The following OR2G2 variants were observed in gnomAD, a reference collection of about 807,000 sequenced individuals.
The protein encoded by OR2G2 is olfactory receptor family 2 subfamily G member 2, also known as olfactory receptor 2G2.
For missense variants in OR2G2, 460 were observed against 389.7 expected (o/e 1.18, Z -1.52); for synonymous variants, 176 against 152.4 (o/e 1.16, Z -1.14).
chr1:247,588,567 T>TC lies in OR2G2; in HGVS notation c.210dup (p.Phe71LeufsTer44). ...GATGTATTTCTTCCTTTCTCATCTC[T>TC]CCTTCCTGTACCGCTGCTTCACCAG... On this transcript the variant is annotated frameshift_variant, in exon 1 of 1. Coordinates refer to ENST00000320065, the MANE Select transcript of OR2G2 (RefSeq NM_001001915.1). LOFTEE classifies it low-confidence loss of function (END_TRUNC). 2.5e-6 allele frequency: 4 copies of TC among 1,614,192 alleles called. No individual in the cohort carries two copies. Among genetic ancestry groups the TC allele is most frequent in the Non-Finnish European group, 3.4e-6 (4 of 1,180,028 alleles).
Position 247,588,646 on chromosome 1 carries a change from C to T in OR2G2, c.287C>T (p.Ala96Val). 2 of 1,614,178 alleles carry T rather than the reference C, an allele frequency of 1.2e-6. No individual in the cohort carries two copies. The highest frequency in any genetic ancestry group is 1.7e-6 in the Non-Finnish European group (2 of 1,180,040). The part of the protein sequence containing the change: ...VNLWEPMKTI[A>V]YGGCLVHLYN... The stretch of plus-strand genomic sequence containing the variant: ...CTGTGGGAACCCATGAAAACTATCG[C>T]CTATGGTGGCTGTTTGGTTCACCTT... Residue 96 changes from alanine (A) to valine (V), a missense_variant, in exon 1 of 1, where the codon GCC becomes GTC. Coordinates refer to ENST00000320065, the MANE Select transcript of OR2G2 (RefSeq NM_001001915.1).
rs1242479626 is a variant in OR2G2 at position 247,589,157 on chromosome 1, C to A, written c.798C>A (p.Ala266=). Residue 266 remains alanine, a synonymous_variant, in exon 1 of 1, where the codon GCC becomes GCA. Transcript: ENST00000320065. ...TCATCTTCATGTATCTGCAGCCAGC[C>A]AAGAGTAGATCCAGGGACCAGGGCA... is the stretch of plus-strand genomic sequence containing the variant. ...GTIIFMYLQP[A]KSRSRDQGKF... The A allele has an allele frequency of 1.2e-6, 2 of 1,614,148 alleles. No homozygotes were observed. The highest frequency in any genetic ancestry group is 2.2e-5 in the South Asian group (2 of 91,078).
rs201169353 is a variant in OR2G2 at position 247,588,377 on chromosome 1, T to A, written c.18T>A (p.His6Gln). The change falls in exon 1 of 1, where the codon CAT becomes CAA. Residue 6 changes from histidine (H) to glutamine (Q), a missense_variant. Coordinates refer to ENST00000320065, the MANE Select transcript of OR2G2 (RefSeq NM_001001915.1). The stretch of plus-strand genomic sequence containing the variant: ...CTTTACATATGGGGATGGTGAGACA[T>A]ACCAATGAGAGCAACCTAGCAGGTT... MGMVRHTNESNLAGFI... is the reference protein window; with the variant it reads MGMVRQTNESNLAGFI... 2.6e-5 allele frequency: 42 copies of A among 1,606,790 alleles called. No individual in the cohort carries two copies. Among genetic ancestry groups the A allele is most frequent in the African/African-American group, 4.0e-5 (3 of 74,616 alleles).
chr1:247,589,298 A>C lies in OR2G2; in HGVS notation c.939A>C (p.Gly313=), dbSNP rs1669092463. The part of the protein sequence containing the change: ...ALKKVLAKAL[G]VNIL The stretch of plus-strand genomic sequence containing the variant: ...AGAAAGTTCTAGCAAAGGCTCTGGG[A>C]GTAAATATTTTATGATTATTAAAAA... The change falls in exon 1 of 1, where the codon GGA becomes GGC. Residue 313 remains glycine (G), a synonymous_variant. Coordinates refer to ENST00000320065, the MANE Select transcript of OR2G2 (RefSeq NM_001001915.1). The C allele has an allele frequency of 1.3e-6, 2 of 1,541,302 alleles. No individual in the cohort carries two copies. Among genetic ancestry groups the C allele is most frequent in the Middle Eastern group, 1.7e-4 (1 of 5,746 alleles).
At position 247,588,386 on chromosome 1, in the gene OR2G2, G is replaced by A. The variant is rs372046433; in HGVS notation, c.27G>A (p.Glu9=). MGMVRHTN[E]SNLAGFILLG... is the part of the protein sequence containing the mutation. Reference sequence around the variant, plus strand: ...TGGGGATGGTGAGACATACCAATGAGAGCAACCTAGCAGGTTTCATCCTTT... The same window carrying A: ...TGGGGATGGTGAGACATACCAATGAAAGCAACCTAGCAGGTTTCATCCTTT... Residue 9 remains glutamate, a synonymous_variant, in exon 1 of 1, where the codon GAG becomes GAA. Coordinates refer to ENST00000320065, the MANE Select transcript of OR2G2 (RefSeq NM_001001915.1). 2 of 1,610,508 alleles carry A rather than the reference G, an allele frequency of 1.2e-6. No individual in the cohort carries two copies. Among genetic ancestry groups the A allele is most frequent in the African/African-American group, 1.3e-5 (1 of 74,858 alleles).
In OR2G2 at chr1:247,588,724, C is replaced by A; in HGVS notation, c.365C>A (p.Ser122Tyr). ...GAGTGCGTCCTCCCGGCTGTGATGTCCTGTGACCGCTATGTGGCTGTCTGC... is the reference window on the plus strand; with the variant it reads ...GAGTGCGTCCTCCCGGCTGTGATGTACTGTGACCGCTATGTGGCTGTCTGC... The part of the protein sequence containing the change: ...STECVLPAVM[S>Y]CDRYVAVCRP... Residue 122 changes from serine (S) to tyrosine (Y), a missense_variant, in exon 1 of 1, where the codon TCC (serine) becomes TAC (tyrosine). Transcript: ENST00000320065. 1 of 1,614,148 alleles carries A rather than the reference C, an allele frequency of 6.2e-7. No individual in the cohort carries two copies. Among genetic ancestry groups the A allele is most frequent in the Non-Finnish European group, 8.5e-7 (1 of 1,180,004 alleles).
rs780891464 is a variant in OR2G2, at chr1:247,589,106, A to G, written c.747A>G (p.Thr249=). Reference sequence around the variant, plus strand: ...TCGGGACCTGCTTCTCCCACCTGACAGTGGTCACCATCTTTTATGGAACCA... The same window carrying G: ...TCGGGACCTGCTTCTCCCACCTGACGGTGGTCACCATCTTTTATGGAACCA... The part of the protein sequence containing the change: ...KAFGTCFSHL[T]VVTIFYGTII... Residue 249 remains threonine, a synonymous_variant, in exon 1 of 1, where the codon ACA becomes ACG. Transcript: ENST00000320065. The G allele has an allele frequency of 6.2e-7, 1 of 1,614,112 alleles. No individual in the cohort carries two copies. The highest frequency in any genetic ancestry group is 8.5e-7 in the Non-Finnish European group (1 of 1,180,042).
Position 247,588,701 on chromosome 1 carries a change from G to A in OR2G2, c.342G>A (p.Glu114=). 3 of 1,614,120 alleles carry A rather than the reference G, an allele frequency of 1.9e-6. No homozygotes were observed. Among genetic ancestry groups the A allele is most frequent in the Non-Finnish European group, 2.5e-6 (3 of 1,180,002 alleles). ...ACTCCCATGCCCTGGGATCCACTGA[G>A]TGCGTCCTCCCGGCTGTGATGTCCT... ...LYNSHALGST[E]CVLPAVMSCD... The change falls in exon 1 of 1, where the codon GAG becomes GAA. Residue 114 remains glutamate, a synonymous_variant. Transcript: ENST00000320065.
Position 247,589,136 on chromosome 1 carries a change from C to T in OR2G2, c.777C>T (p.Ile259=), listed in dbSNP as rs769513033. The change falls in exon 1 of 1, where the codon ATC becomes ATT. Residue 259 remains isoleucine (I), a synonymous_variant. Coordinates refer to ENST00000320065, the MANE Select transcript of OR2G2 (RefSeq NM_001001915.1). Reference sequence around the variant, plus strand: ...TCACCATCTTTTATGGAACCATCATCTTCATGTATCTGCAGCCAGCCAAGA... The same window carrying T: ...TCACCATCTTTTATGGAACCATCATTTTCATGTATCTGCAGCCAGCCAAGA... ...TVVTIFYGTI[I]FMYLQPAKSR... The T allele has an allele frequency of 2.4e-5, 38 of 1,614,080 alleles. No individual in the cohort carries two copies. Among genetic ancestry groups the T allele is most frequent in the Non-Finnish European group, 3.0e-5 (35 of 1,180,026 alleles).
In OR2G2 at chr1:247,588,786, C is replaced by A; in HGVS notation, c.427C>A (p.Leu143Ile). The A allele has an allele frequency of 3.1e-6, 5 of 1,614,156 alleles. No homozygotes were observed. Among genetic ancestry groups the A allele is most frequent in the Non-Finnish European group, 4.2e-6 (5 of 1,180,026 alleles). Residue 143 changes from leucine (L) to isoleucine (I), a missense_variant, in exon 1 of 1, where the codon CTC becomes ATC. Leu to Ile is a conservative substitution (Grantham distance 5). Coordinates refer to ENST00000320065, the MANE Select transcript of OR2G2 (RefSeq NM_001001915.1). ...LHYTVLMHIH[L>I]CMALASMAWL... ...TTACACTGTCTTAATGCATATCCAT[C>A]TCTGCATGGCCTTGGCATCTATGGC...
chr1:247,588,522 G>C lies in OR2G2; in HGVS notation c.163G>C (p.Glu55Gln), dbSNP rs753573883. ...NTTIILVSRLEPKLHMPMYFF... is the reference protein window; with the variant it reads ...NTTIILVSRLQPKLHMPMYFF... ...CACCATCATTCTGGTTTCTCGTCTG[G>C]AACCCAAGCTTCATATGCCGATGTA... The change falls in exon 1 of 1, where the codon GAA becomes CAA. Residue 55 changes from glutamate to glutamine, a missense_variant. By Grantham distance (29) the Glu-to-Gln change is conservative. Transcript: ENST00000320065. The C allele has an allele frequency of 6.2e-7, 1 of 1,613,986 alleles. No individual in the cohort carries two copies. Among genetic ancestry groups the C allele is most frequent in the Non-Finnish European group, 8.5e-7 (1 of 1,180,030 alleles).
Position 247,588,482 on chromosome 1 carries a change from T to G in OR2G2, c.123T>G (p.Thr41=). Residue 41 remains threonine, a synonymous_variant, in exon 1 of 1, where the codon ACT becomes ACG. Transcript: ENST00000320065. ...TCATATTGATTCTGTATTTACTAAC[T>G]ATTTTGGGGAATACCACCATCATTC... ...FVLILILYLL[T]ILGNTTIILV... is the part of the protein sequence containing the mutation. 6.2e-7 allele frequency: 1 copy of G among 1,613,966 alleles called. No homozygotes were observed. Among genetic ancestry groups the G allele is most frequent in the Non-Finnish European group, 8.5e-7 (1 of 1,179,776 alleles).
rs781398354 is a variant in OR2G2 at position 247,588,489 on chromosome 1, G to C, written c.130G>C (p.Gly44Arg). The C allele has an allele frequency of 6.2e-7, 1 of 1,613,996 alleles. No individual in the cohort carries two copies. Among genetic ancestry groups the C allele is most frequent in the Admixed American group, 1.7e-5 (1 of 60,002 alleles). Residue 44 changes from glycine to arginine, a missense_variant, in exon 1 of 1, where the codon GGG (glycine) becomes CGG (arginine). By Grantham distance (125) the Gly-to-Arg change is moderately radical. Transcript: ENST00000320065. ...ILILYLLTILGNTTIILVSRL... is the reference protein window; with the variant it reads ...ILILYLLTILRNTTIILVSRL... Reference sequence around the variant, plus strand: ...GATTCTGTATTTACTAACTATTTTGGGGAATACCACCATCATTCTGGTTTC... The same window carrying C: ...GATTCTGTATTTACTAACTATTTTGCGGAATACCACCATCATTCTGGTTTC...
chr1:247,589,101 C>A lies in OR2G2; in HGVS notation c.742C>A (p.Leu248Met). ...AGCATTCGGGACCTGCTTCTCCCAC[C>A]TGACAGTGGTCACCATCTTTTATGG... ...QKAFGTCFSH[L>M]TVVTIFYGTI... Residue 248 changes from leucine to methionine, a missense_variant, in exon 1 of 1, where the codon CTG (leucine) becomes ATG (methionine). Physicochemically the swap from Leu to Met is conservative, Grantham distance 15. Transcript: ENST00000320065. 2 of 1,614,240 alleles carry A rather than the reference C, an allele frequency of 1.2e-6. No homozygotes were observed. Among genetic ancestry groups the A allele is most frequent in the African/African-American group, 1.3e-5 (1 of 75,074 alleles).
chr1:247,588,434 G>C lies in OR2G2; in HGVS notation c.75G>C (p.Gln25His). The C allele has an allele frequency of 6.2e-7, 1 of 1,614,024 alleles. No individual in the cohort carries two copies. Among genetic ancestry groups the C allele is most frequent in the South Asian group, 1.1e-5 (1 of 91,076 alleles). Residue 25 changes from glutamine to histidine, a missense_variant, in exon 1 of 1, where the codon CAG (glutamine) becomes CAC (histidine). Coordinates refer to ENST00000320065, the MANE Select transcript of OR2G2 (RefSeq NM_001001915.1). The part of the protein sequence containing the change: ...FILLGFSDYP[Q>H]LQKVLFVLIL... The stretch of plus-strand genomic sequence containing the variant: ...TTTTAGGGTTTTCTGATTATCCTCA[G>C]TTACAGAAGGTTCTATTTGTGCTCA...
In OR2G2 at chr1:247,588,815, G is replaced by T; in HGVS notation, c.456G>T (p.Trp152Cys). 2 of 1,614,150 alleles carry T rather than the reference G, an allele frequency of 1.2e-6. No homozygotes were observed. Among genetic ancestry groups the T allele is most frequent in the South Asian group, 2.2e-5 (2 of 91,084 alleles). The change falls in exon 1 of 1, where the codon TGG becomes TGT. Residue 152 changes from tryptophan (W) to cysteine (C), a missense_variant. By Grantham distance (215) the Trp-to-Cys change is radical. Transcript: ENST00000320065. The part of the protein sequence containing the change: ...HLCMALASMA[W>C]LSGIATTLVQ... The stretch of plus-strand genomic sequence containing the variant: ...GCATGGCCTTGGCATCTATGGCATG[G>T]CTCAGTGGAATAGCCACCACCCTGG...
Position 247,588,881 on chromosome 1 carries a change from T to A in OR2G2, c.522T>A (p.His174Gln), listed in dbSNP as rs201618209. Residue 174 changes from histidine to glutamine, a missense_variant, in exon 1 of 1, where the codon CAT becomes CAA. His to Gln is a conservative substitution (Grantham distance 24). Coordinates refer to ENST00000320065, the MANE Select transcript of OR2G2 (RefSeq NM_001001915.1). ...TLTLQLPFCG[H>Q]RQVDHFICEV... ...CCCTGCAGCTGCCCTTCTGTGGGCA[T>A]CGCCAAGTGGATCATTTCATCTGCG... 300 of 1,614,088 alleles carry A rather than the reference T, an allele frequency of 1.9e-4. 1 individual carries two copies. The highest frequency in any genetic ancestry group is 5.9e-6 in the Non-Finnish European group (7 of 1,180,018).
chr1:247,589,202 C>T lies in OR2G2; in HGVS notation c.843C>T (p.Tyr281=), dbSNP rs1296769782. The T allele has an allele frequency of 2.5e-6, 4 of 1,613,954 alleles. No individual in the cohort carries two copies. The highest frequency in any genetic ancestry group is 1.1e-5 in the South Asian group (1 of 91,090). Reference sequence around the variant, plus strand: ...AGGGCAAGTTTGTTTCTCTCTTCTACACTGTGGTAACCCGCATGCTTAACC... The same window carrying T: ...AGGGCAAGTTTGTTTCTCTCTTCTATACTGTGGTAACCCGCATGCTTAACC... ...RDQGKFVSLF[Y]TVVTRMLNPL... The change falls in exon 1 of 1, where the codon TAC becomes TAT. Residue 281 remains tyrosine, a synonymous_variant. Coordinates refer to ENST00000320065, the MANE Select transcript of OR2G2 (RefSeq NM_001001915.1).
In OR2G2 at chr1:247,588,701, G is replaced by C; in HGVS notation, c.342G>C (p.Glu114Asp). Residue 114 changes from glutamate (E) to aspartate (D), a missense_variant, in exon 1 of 1, where the codon GAG (glutamate) becomes GAC (aspartate). Coordinates refer to ENST00000320065, the MANE Select transcript of OR2G2 (RefSeq NM_001001915.1). The stretch of plus-strand genomic sequence containing the variant: ...ACTCCCATGCCCTGGGATCCACTGA[G>C]TGCGTCCTCCCGGCTGTGATGTCCT... Reference protein sequence around the residue: ...LYNSHALGSTECVLPAVMSCD... With the variant: ...LYNSHALGSTDCVLPAVMSCD... The C allele has an allele frequency of 6.2e-7, 1 of 1,614,120 alleles. No homozygotes were observed. Among genetic ancestry groups the C allele is most frequent in the Non-Finnish European group, 8.5e-7 (1 of 1,180,002 alleles).
Sources: gnomAD v4.1 joint callset for allele counts on GRCh38, gnomAD v4.1.1 for gene constraint, MANE v1.5 for transcripts, NCBI Gene and HGNC (gene_info 2026-07-23, HGNC 2026-07-21) for gene names.